ARHGAP6: variants seen among roughly 807,000 people sequenced by gnomAD.
The protein encoded by ARHGAP6 is rho GTPase-activating protein 6.
A neutral mutation model predicts 55.7 loss-of-function variants in ARHGAP6; 16 were observed. That is an observed-to-expected ratio of 0.29 (90% CI 0.19 to 0.44). The LOEUF (loss-of-function observed/expected upper bound fraction) is 0.44. Among genes scored for constraint, ARHGAP6 ranks in the 20% least tolerant of loss-of-function variants. ARHGAP6 has a pLI of 1.00. For synonymous variants in ARHGAP6, 382 were observed against 360.9 expected (o/e 1.06, Z -0.66); for missense variants, 698 against 808.9 (o/e 0.86, Z 1.66).
rs950527696 is a variant in ARHGAP6 at position 11,144,202 on chromosome X, T to A, written c.1954A>T (p.Arg652Trp). 3 of 1,211,212 alleles carry A rather than the reference T, an allele frequency of 2.5e-6. No homozygotes were observed. Among genetic ancestry groups the A allele is most frequent in the Non-Finnish European group, 3.4e-6 (3 of 895,199 alleles). Residue 652 changes from arginine (R) to tryptophan (W), a missense_variant, in exon 11 of 13, where the codon AGG becomes TGG. By Grantham distance (101) the Arg-to-Trp change is moderately radical. Transcript: ENST00000337414. ...TTGTTGGAGTCTGTAGATGAATGCCTCCCTCCCACGGAAAAGGAAACTTCC... is the reference window on the plus strand; with the variant it reads ...TTGTTGGAGTCTGTAGATGAATGCCACCCTCCCACGGAAAAGGAAACTTCC... ...QSEVSFSVGG[R>W]HSSTDSNKAS... is the part of the protein sequence containing the mutation.
chrX:11,257,925 C>T (rs1041567545), intron 1 of ARHGAP6, among the ~76,000 whole-genome samples: 2 of 111,442 alleles, frequency 1.8e-5, no homozygotes, highest in African/African-American at 6.5e-5. Flanking sequence ...GCAACTTTAG[C>T]AGCAGGTGCA....
intron 1 of ARHGAP6, among the ~76,000 whole-genome samples, chrX:11,422,321 TG>T (rs1248776971): frequency 9.1e-6 from 1 of 109,987 alleles, no homozygotes; most frequent in South Asian, 3.9e-4. Flanking sequence ...TACAAAGGCT[TG>T]GGGCAGAAAA....
chrX:11,391,315 G>T lies in ARHGAP6; in HGVS notation c.589-136608C>A, dbSNP rs373046440. Among the ~76,000 whole-genome samples, 26 of 111,008 alleles carry T rather than the reference G, an allele frequency of 2.3e-4. 1 individual carries two copies. The highest frequency in any genetic ancestry group is 6.2e-4 in the African/African-American group (19 of 30,494). ...AACATCACACACCGGGGCCTGTTGT[G>T]GGGTGGGCAGAGGAGGGAGGGATAG... On this transcript the variant is annotated intron_variant, in intron 1 of 12. Transcript: ENST00000337414.
intron 1 of ARHGAP6, among the ~76,000 whole-genome samples, chrX:11,317,222 C>T (rs2048369817): frequency 8.9e-6 from 1 of 112,499 alleles, no homozygotes; most frequent in Non-Finnish European, 1.9e-5. Context: ...AGTTACTCAG[C>T]ACTATTGACA....
At chrX:11,558,335 T>C (rs1023819205) in intron 1 of ARHGAP6, among the ~76,000 whole-genome samples, 3 of 111,639 alleles carry the variant, frequency 2.7e-5, no homozygotes, top group Non-Finnish European at 5.6e-5. Flanking sequence ...CAACAGGCAT[T>C]TGAACATCGC....
At chrX:11,281,098 C>T (rs1006423084) in intron 1 of ARHGAP6, among the ~76,000 whole-genome samples, 1 of 112,081 alleles carries the variant, frequency 8.9e-6, no homozygotes, top group Admixed American at 9.5e-5. Flanking sequence ...AAAAAACAAA[C>T]TCCAACCACC....
intron 2 of ARHGAP6, among the ~76,000 whole-genome samples, chrX:11,201,320 T>C (rs2046616964): frequency 8.9e-6 from 1 of 112,172 alleles, no homozygotes; most frequent in Non-Finnish European, 1.9e-5. Context: ...TAGTAATAAA[T>C]AGTGTTTATT....
At chrX:11,250,982 A>T (rs1047999875) in intron 2 of ARHGAP6, among the ~76,000 whole-genome samples, 5 of 112,356 alleles carry the variant, frequency 4.5e-5, no homozygotes, top group Non-Finnish European at 5.6e-5. Context: ...ATTTGGATTA[A>T]CTAAGGCTGG....
intron 1 of ARHGAP6, among the ~76,000 whole-genome samples, chrX:11,633,033 C>T (rs948454939): frequency 2.7e-5 from 3 of 111,815 alleles, no homozygotes; most frequent in Non-Finnish European, 3.8e-5. Context: ...CCAAGCACCC[C>T]GTGGGATCTA....
chrX:11,579,443 A>G (rs775959334), intron 1 of ARHGAP6, among the ~76,000 whole-genome samples: 1 of 112,385 alleles, frequency 8.9e-6, no homozygotes, highest in South Asian at 3.7e-4. Context: ...AATTTTAAAA[A>G]TTATAGTCCC....
chrX:11,143,130 A>G (rs1218952342), intron 11 of ARHGAP6: 7 of 111,769 alleles, frequency 6.3e-5, no homozygotes. Flanking sequence ...CCTCACTACA[A>G]TCCCATGATG....
rs1396038696 is a variant in ARHGAP6 at position 11,617,797 on chromosome X, G to A, written c.588+46444C>T. On this transcript the variant is annotated intron_variant, in intron 1 of 12. Coordinates refer to ENST00000337414, the MANE Select transcript of ARHGAP6 (RefSeq NM_013427.3). ...GGAGTTTTATAAGGTCGTGCTGCTTGAGCTGAATGCTTGCAGACAGAATGC... is the reference window on the plus strand; with the variant it reads ...GGAGTTTTATAAGGTCGTGCTGCTTAAGCTGAATGCTTGCAGACAGAATGC... Among the ~76,000 whole-genome samples, 27 of 111,474 alleles carry A rather than the reference G, an allele frequency of 2.4e-4. No individual in the cohort carries two copies. The Admixed American group carries it at 2.6e-3, about 11-fold the overall frequency.
chrX:11,523,799 G>A (rs1386009215), intron 1 of ARHGAP6, among the ~76,000 whole-genome samples: 1 of 111,147 alleles, frequency 9.0e-6, no homozygotes, highest in Non-Finnish European at 1.9e-5. Flanking sequence ...GGAGGGTGTG[G>A]AAAGGCAGAT....
At chrX:11,436,059 T>C (rs887893017) in intron 1 of ARHGAP6, among the ~76,000 whole-genome samples, 2 of 112,482 alleles carry the variant, frequency 1.8e-5, no homozygotes, top group Non-Finnish European at 3.8e-5. Context: ...AAATGACAAA[T>C]GTATACATAA....
intron 1 of ARHGAP6, among the ~76,000 whole-genome samples, chrX:11,485,546 C>A (rs762944397): frequency 2.0e-4 from 22 of 112,818 alleles, no homozygotes; most frequent in African/African-American, 6.4e-4. Context: ...CTACTTTTGT[C>A]TCTCTTCCAC....
intron 1 of ARHGAP6, among the ~76,000 whole-genome samples, chrX:11,372,542 G>T (rs1372793964): frequency 9.1e-6 from 1 of 110,158 alleles, no homozygotes; most frequent in Non-Finnish European, 1.9e-5. Flanking sequence ...GGAGGCCGAG[G>T]AGGGTGGATT....
Position 11,156,511 on chromosome X carries a change from G to C in ARHGAP6, c.1907+18C>G. ...ATCTCCAATGCGGCTTTAGAAGATG[G>C]AACACTGGAATACTCACGATGATTG... On this transcript the variant is annotated intron_variant, in intron 10 of 12. Coordinates refer to ENST00000337414, the MANE Select transcript of ARHGAP6 (RefSeq NM_013427.3). The C allele has an allele frequency of 8.6e-7, 1 of 1,167,701 alleles. No individual in the cohort carries two copies. The highest frequency in any genetic ancestry group is 1.2e-6 in the Non-Finnish European group (1 of 858,313).
chrX:11,200,318 T>A (rs2046601168), intron 2 of ARHGAP6, among the ~76,000 whole-genome samples: 1 of 112,200 alleles, frequency 8.9e-6, no homozygotes, highest in Non-Finnish European at 1.9e-5. Flanking sequence ...TTGGCCTCCC[T>A]TTGCCCTCTT....
intron 1 of ARHGAP6, among the ~76,000 whole-genome samples, chrX:11,447,903 G>A (rs1055995002): frequency 8.9e-6 from 1 of 112,087 alleles, no homozygotes; most frequent in African/African-American, 3.2e-5. Flanking sequence ...ATTGATGCAA[G>A]GGTGGGTGTT....
Sources: gnomAD v4.1 joint callset for allele counts (sites outside exome capture counted in the v4.1 genomes callset) on GRCh38, gnomAD v4.1.1 for gene constraint, MANE v1.5 for transcripts, NCBI Gene and HGNC (gene_info 2026-07-23, HGNC 2026-07-21) for gene names.